The following HMCN1 variants were observed in gnomAD, a reference collection of about 807,000 sequenced individuals.
HMCN1 encodes hemicentin 1, also known as hemicentin-1.
Under a neutral mutation model 625.9 loss-of-function variants are expected in HMCN1, and 321 were observed. The ratio of observed to expected loss-of-function variants is 0.51; its 90% CI spans 0.47 to 0.56. HMCN1 has a LOEUF of 0.56. Ranked by LOEUF, HMCN1 falls within the 20% of genes least tolerant of loss-of-function variation. The probability of loss-of-function intolerance (pLI) is 0.00; values close to 1 mark genes in which losing one functional copy is unlikely to be tolerated. For missense variants in HMCN1, 6,588 were observed against 6,887.3 expected (o/e 0.96, Z 1.54); for synonymous variants, 2,425 against 2,417.6 (o/e 1.00, Z -0.09).
chr1:185,922,340 G>A (rs1667043188), intron 6 of HMCN1, 39 bp from the exon 7 acceptor site: 2 of 1,611,108 alleles, frequency 1.2e-6, no homozygotes, highest in South Asian at 2.2e-5. Context: ...CAGCATACTG[G>A]ATCAACTGCT....
intron 2 of HMCN1, among the ~76,000 whole-genome samples, chr1:185,849,871 AT>A (rs1662060758): frequency 6.6e-6 from 1 of 151,244 alleles, no homozygotes; most frequent in Non-Finnish European, 1.5e-5. Flanking sequence ...ATACCACGGC[AT>A]TTTTTCAGTC....
intron 54 of HMCN1, among the ~76,000 whole-genome samples, chr1:186,077,439 A>G (rs1217563008): frequency 6.6e-6 from 1 of 152,124 alleles, no homozygotes; most frequent in East Asian, 1.9e-4. Flanking sequence ...ATAAGGGATT[A>G]TCCTTGTTAT....
At chr1:185,794,888 T>A (rs1421407550) in intron 1 of HMCN1, among the ~76,000 whole-genome samples, 1 of 152,226 alleles carries the variant, frequency 6.6e-6, no homozygotes, top group Non-Finnish European at 1.5e-5. Context: ...GTAGTGCCAC[T>A]ATATTTATAT....
intron 57 of HMCN1, among the ~76,000 whole-genome samples, chr1:186,083,382 G>C (rs888478933): frequency 1.3e-5 from 2 of 150,996 alleles, no homozygotes; most frequent in African/African-American, 2.4e-5. Flanking sequence ...ATACTCCCTG[G>C]AGAAGAAAAA....
chr1:185,821,378 T>A (rs1660176798), intron 1 of HMCN1, among the ~76,000 whole-genome samples: 1 of 152,112 alleles, frequency 6.6e-6, no homozygotes, highest in Non-Finnish European at 1.5e-5. Flanking sequence ...GGGAAATGAA[T>A]TGTCTTATTG....
chr1:186,152,905 A>G (rs1468852210), intron 96 of HMCN1, 34 bp downstream of exon 96: 8 of 1,611,974 alleles, frequency 5.0e-6, no homozygotes, highest in African/African-American at 1.3e-5. Context: ...TTTGCTGCTT[A>G]TTAGAGTAAT....
At chr1:186,170,642 T>G (rs546066368) in intron 100 of HMCN1, among the ~76,000 whole-genome samples, 1 of 151,918 alleles carries the variant, frequency 6.6e-6, no homozygotes, top group Non-Finnish European at 1.5e-5. Flanking sequence ...TGAGGAAGGG[T>G]AAGATGGGCT....
At chr1:185,779,051 G>A (rs573470489) in intron 1 of HMCN1, among the ~76,000 whole-genome samples, 1,654 of 152,320 alleles carry the variant, frequency 0.011, 13 homozygotes, top group South Asian at 0.021. Context: ...ACTGGTGTGA[G>A]ATGGTATCTC....
At chr1:186,011,461 T>G (rs183606733) in intron 30 of HMCN1, among the ~76,000 whole-genome samples, 2 of 152,372 alleles carry the variant, frequency 1.3e-5, no homozygotes, top group Admixed American at 1.3e-4. Context: ...ATTGTGCATA[T>G]TCATTGCTTG....
At chr1:186,074,593 A>G (rs1658685699) in intron 52 of HMCN1, 148 bp from the exon 53 acceptor site, 2 of 696,944 alleles carry the variant, frequency 2.9e-6, no homozygotes, top group Admixed American at 5.6e-5. Flanking sequence ...AAAGTAAATC[A>G]ATTATTTTGA....
intron 104 of HMCN1, among the ~76,000 whole-genome samples, chr1:186,181,869 T>C (rs1023748584): frequency 6.6e-6 from 1 of 152,194 alleles, no homozygotes; most frequent in African/African-American, 2.4e-5. Flanking sequence ...TCCTCTGTCA[T>C]GTCACTCTTA....
Position 186,189,492 on chromosome 1 carries a change from GAT to G in HMCN1, c.16542-17_16542-16del. On this transcript the variant is annotated intron_variant, in intron 106 of 106. Transcript: ENST00000271588. ...TACTTCCAGATAACTATGTGTATTT[GAT>G]ATGTTTGTTGTCCTTAGGTTCTGCC... 2 of 1,611,854 alleles carry G rather than the reference GAT, an allele frequency of 1.2e-6. No individual in the cohort carries two copies. The highest frequency in any genetic ancestry group is 2.7e-5 in the African/African-American group (2 of 74,986).
intron 1 of HMCN1, among the ~76,000 whole-genome samples, chr1:185,779,196 T>C (rs1476003774): frequency 6.6e-6 from 1 of 152,226 alleles, no homozygotes; most frequent in South Asian, 2.1e-4. Context: ...TGGGGTTGTT[T>C]GTTTTTTTCT....
chr1:185,844,632 T>C (rs1258646422), intron 1 of HMCN1, among the ~76,000 whole-genome samples: 1 of 152,188 alleles, frequency 6.6e-6, no homozygotes, highest in Non-Finnish European at 1.5e-5. Flanking sequence ...TTGCACGTTA[T>C]AGTTTCGAAT....
At chr1:185,993,336 C>T (rs1443165047) in intron 23 of HMCN1, 27 bp downstream of exon 23, 1 of 1,610,958 alleles carries the variant, frequency 6.2e-7, no homozygotes, top group Non-Finnish European at 8.5e-7. Context: ...GAACATATGA[C>T]AACCCTGTGG....
chr1:186,003,568 A>T (rs1008257969), intron 28 of HMCN1, 150 bp from the exon 29 acceptor site: 6 of 726,980 alleles, frequency 8.3e-6, no homozygotes, highest in Middle Eastern at 4.9e-4. Flanking sequence ...GGTACACAGA[A>T]ATGATATGAA....
chr1:186,073,713 G>A (rs1658613519), intron 52 of HMCN1, among the ~76,000 whole-genome samples: 1 of 151,908 alleles, frequency 6.6e-6, no homozygotes, highest in African/African-American at 2.4e-5. Context: ...TGGGTAAGAA[G>A]GGAATAGAAG....
intron 1 of HMCN1, among the ~76,000 whole-genome samples, chr1:185,837,614 ATTT>A (rs1160827125): frequency 6.6e-6 from 1 of 151,856 alleles, no homozygotes; most frequent in Admixed American, 6.6e-5. Flanking sequence ...GTAGAATGTT[ATTT>A]TTATATCGAT....
intron 67 of HMCN1, among the ~76,000 whole-genome samples, chr1:186,094,772 C>G (rs764529393): frequency 1.3e-5 from 2 of 152,252 alleles, no homozygotes; most frequent in Non-Finnish European, 2.9e-5. Flanking sequence ...ATGGAGAGAA[C>G]TCAATACCTT....
Sources: gnomAD v4.1 joint callset for allele counts (sites outside exome capture counted in the v4.1 genomes callset) on GRCh38, gnomAD v4.1.1 for gene constraint, MANE v1.5 for transcripts, NCBI Gene and HGNC (gene_info 2026-07-23, HGNC 2026-07-21) for gene names.